The following GLRA3 variants were observed in gnomAD, a reference collection of about 807,000 sequenced individuals.
GLRA3 encodes the protein glycine receptor alpha 3.
Under a neutral mutation model 60.4 loss-of-function variants are expected in GLRA3, and 44 were observed. The observed-to-expected ratio is 0.73, with a 90% CI of 0.57 to 0.94. GLRA3 has a LOEUF of 0.94. Ranked by LOEUF, GLRA3 falls within the 40% of genes least tolerant of loss-of-function variation. GLRA3 has a pLI of 0.00. For missense variants in GLRA3, 508 were observed against 564.6 expected (o/e 0.90, Z 1.02); for synonymous variants, 223 against 192.9 (o/e 1.16, Z -1.29).
chr4:174,723,753 A>G (rs1381572252), intron 4 of GLRA3, among the ~76,000 whole-genome samples: 3 of 152,036 alleles, frequency 2.0e-5, no homozygotes, highest in African/African-American at 7.2e-5. Flanking sequence ...ATACCCTGTC[A>G]TGGGTCCCCT....
intron 3 of GLRA3, 123 bp from the exon 4 acceptor site, chr4:174,728,821 C>T (rs751406978): frequency 2.6e-5 from 16 of 608,524 alleles, no homozygotes; most frequent in East Asian, 1.9e-4. Context: ...CTCTTGGGGA[C>T]GGGGTGTATA....
At chr4:174,680,614 G>A (rs1734304851) in intron 6 of GLRA3, among the ~76,000 whole-genome samples, 1 of 152,108 alleles carries the variant, frequency 6.6e-6, no homozygotes, top group Admixed American at 6.6e-5. Context: ...GTGTATATAA[G>A]CAAGCAAGTC....
At chr4:174,655,681 A>C (rs1045886416) in intron 9 of GLRA3, among the ~76,000 whole-genome samples, 5 of 152,132 alleles carry the variant, frequency 3.3e-5, no homozygotes, top group Non-Finnish European at 7.4e-5. Context: ...CATGCAATGA[A>C]AAATTTACAG....
intron 1 of GLRA3, among the ~76,000 whole-genome samples, chr4:174,821,127 T>G (rs1015895111): frequency 6.6e-6 from 1 of 152,114 alleles, no homozygotes; most frequent in South Asian, 2.1e-4. Flanking sequence ...GAAAAACAAA[T>G]GACATAGAAA....
At chr4:174,726,469 T>G (rs933214585) in intron 4 of GLRA3, among the ~76,000 whole-genome samples, 4 of 152,190 alleles carry the variant, frequency 2.6e-5, no homozygotes, top group Non-Finnish European at 5.9e-5. Context: ...TGTCTAAAGC[T>G]TTTCTGTCTT....
At chr4:174,820,669 T>A (rs1392106910) in intron 1 of GLRA3, among the ~76,000 whole-genome samples, 1 of 152,150 alleles carries the variant, frequency 6.6e-6, no homozygotes, top group Non-Finnish European at 1.5e-5. Context: ...TTTTTCCCAG[T>A]CATTTGATGC....
chr4:174,664,322 C>T (rs944638838), intron 7 of GLRA3, among the ~76,000 whole-genome samples: 7 of 152,068 alleles, frequency 4.6e-5, no homozygotes, highest in African/African-American at 1.4e-4. Context: ...CAGGTTCTTC[C>T]TTCACGGCAC....
chr4:174,790,032 A>C (rs893749087), intron 1 of GLRA3, among the ~76,000 whole-genome samples: 3 of 152,234 alleles, frequency 2.0e-5, no homozygotes, highest in Non-Finnish European at 4.4e-5. Context: ...TGTTTACCAC[A>C]GGGATATATG....
chr4:174,786,128 A>G (rs1739121391), intron 2 of GLRA3, among the ~76,000 whole-genome samples: 1 of 151,888 alleles, frequency 6.6e-6, no homozygotes, highest in Admixed American at 6.6e-5. Context: ...ACTGATATTC[A>G]TGTCTCTAAA....
intron 3 of GLRA3, among the ~76,000 whole-genome samples, chr4:174,762,585 T>C (rs1737982143): frequency 6.6e-6 from 1 of 152,158 alleles, no homozygotes; most frequent in Non-Finnish European, 1.5e-5. Flanking sequence ...CTTTTTCTGA[T>C]GAAAAATAAA....
chr4:174,756,734 T>A (rs1737718011), intron 3 of GLRA3, among the ~76,000 whole-genome samples: 1 of 150,206 alleles, frequency 6.7e-6, no homozygotes. Context: ...AAGCTCCGCC[T>A]CCCGGGTTCA....
chr4:174,687,541 C>T (rs1027237214), intron 5 of GLRA3, among the ~76,000 whole-genome samples: 1 of 152,110 alleles, frequency 6.6e-6, no homozygotes, highest in Non-Finnish European at 1.5e-5. Context: ...AGGTATTTGG[C>T]AGACCATTTT....
At chr4:174,703,163 T>C (rs2171139) in intron 5 of GLRA3, among the ~76,000 whole-genome samples, 28,753 of 152,128 alleles carry the variant, frequency 0.19, 2,982 homozygotes, top group East Asian at 0.4. Flanking sequence ...AGAAATTTGA[T>C]TTGGCATTCT....
chr4:174,675,651 A>G (rs890614359), intron 7 of GLRA3, among the ~76,000 whole-genome samples: 1 of 152,188 alleles, frequency 6.6e-6, no homozygotes, highest in South Asian at 2.1e-4. Context: ...ATTGAGTATT[A>G]TTAGTTTACA....
chr4:174,680,757 A>G (rs527319022), intron 6 of GLRA3, among the ~76,000 whole-genome samples: 1 of 152,322 alleles, frequency 6.6e-6, no homozygotes, highest in East Asian at 1.9e-4. Flanking sequence ...ATAAAACTGA[A>G]TAAATCCTCT....
intron 5 of GLRA3, among the ~76,000 whole-genome samples, chr4:174,695,952 C>T (rs1156895863): frequency 6.6e-6 from 1 of 151,932 alleles, no homozygotes; most frequent in Non-Finnish European, 1.5e-5. Context: ...ACAACAGCCA[C>T]ACTGAGAGCC....
chr4:174,792,835 TA>T (rs1739410998), intron 1 of GLRA3, among the ~76,000 whole-genome samples: 1 of 152,148 alleles, frequency 6.6e-6, no homozygotes, highest in Admixed American at 6.5e-5. Flanking sequence ...TGATCATTCT[TA>T]AAGAATAAGG....
chr4:174,669,382 C>T (rs1483321524), intron 7 of GLRA3, among the ~76,000 whole-genome samples: 4 of 151,878 alleles, frequency 2.6e-5, no homozygotes, highest in South Asian at 2.1e-4. Context: ...ACTACTTTCT[C>T]GGAGCATGAA....
chr4:174,720,630 T>C (rs1736094821), intron 4 of GLRA3, among the ~76,000 whole-genome samples: 1 of 152,168 alleles, frequency 6.6e-6, no homozygotes, highest in South Asian at 2.1e-4. Flanking sequence ...GCTCTAATCA[T>C]TCTTTCATCT....
Sources: allele counts gnomAD v4.1 joint callset (sites outside exome capture counted in the v4.1 genomes callset), GRCh38; gene constraint gnomAD v4.1.1; transcripts MANE v1.5; gene names NCBI Gene and HGNC (gene_info 2026-07-23, HGNC 2026-07-21).